The following MAP3K5 variants were observed in gnomAD, a reference collection of about 807,000 sequenced individuals.
The protein encoded by MAP3K5 is ASK-1.
Under a neutral mutation model 158.7 loss-of-function variants are expected in MAP3K5, and 56 were observed. The ratio of observed to expected loss-of-function variants is 0.35; its 90% CI spans 0.28 to 0.44. The LOEUF is 0.44. Ranked by LOEUF, MAP3K5 falls within the 20% of genes least tolerant of loss-of-function variation. The pLI is 1.00. For missense variants in MAP3K5, 1,294 were observed against 1,674.8 expected (o/e 0.77, Z 3.97); for synonymous variants, 579 against 601.7 (o/e 0.96, Z 0.55).
chr6:136,749,181 T>C (rs1416163748), intron 1 of MAP3K5, among the ~76,000 whole-genome samples: 3 of 152,080 alleles, frequency 2.0e-5, no homozygotes, highest in East Asian at 3.9e-4. Context: ...GAGACCAGCC[T>C]GGCCAACATG....
intron 1 of MAP3K5, 150 bp from the exon 2 acceptor site, chr6:136,720,739 G>A (rs1781714921): frequency 1.6e-6 from 1 of 636,954 alleles, no homozygotes; most frequent in Admixed American, 3.3e-5. Context: ...TTTTGAATTT[G>A]CAGCTCTACC....
chr6:136,607,900 A>G (rs1347632170), intron 18 of MAP3K5, among the ~76,000 whole-genome samples: 1 of 152,232 alleles, frequency 6.6e-6, no homozygotes, highest in East Asian at 1.9e-4. Flanking sequence ...ACAGCATGTT[A>G]GAAAGTGACA....
In MAP3K5 at chr6:136,716,201, G is replaced by C. The variant is rs540102718; in HGVS notation, c.588+4249C>G. Reference sequence around the variant, plus strand: ...TTTTTTACAGTATACATTTAGGGTTGGAATGACTAAGTCTTGGTGATATGC... The same window carrying C: ...TTTTTTACAGTATACATTTAGGGTTCGAATGACTAAGTCTTGGTGATATGC... On this transcript the variant is annotated intron_variant, in intron 2 of 29. Transcript: ENST00000359015. Among the ~76,000 whole-genome samples the C allele has an allele frequency of 5.3e-5, 8 of 151,926 alleles. No homozygotes were observed. In the East Asian group the frequency reaches 9.7e-4, roughly 18 times the overall value.
At chr6:136,742,642 C>T (rs79708111) in intron 1 of MAP3K5, among the ~76,000 whole-genome samples, 2,492 of 152,048 alleles carry the variant, frequency 0.016, 43 homozygotes, top group South Asian at 0.03. Flanking sequence ...GAATTATAAG[C>T]TGGACTTTAT....
chr6:136,665,278 G>A (rs1490747059), intron 8 of MAP3K5, among the ~76,000 whole-genome samples: 4 of 151,414 alleles, frequency 2.6e-5, no homozygotes, highest in Admixed American at 2.6e-4. Context: ...CTATAATAGT[G>A]TACTTTTGAA....
intron 14 of MAP3K5, among the ~76,000 whole-genome samples, chr6:136,631,781 T>C (rs376623091): frequency 3.8e-4 from 58 of 152,224 alleles, no homozygotes; most frequent in East Asian, 7.7e-4. Context: ...ACCCTTCAGA[T>C]TGAATCTCTT....
At chr6:136,558,456 C>T (rs963548840) in intron 29 of MAP3K5, among the ~76,000 whole-genome samples, 7 of 151,858 alleles carry the variant, frequency 4.6e-5, no homozygotes, top group African/African-American at 1.7e-4. Flanking sequence ...TTTTGGAGGG[C>T]AAGTCAGCAC....
chr6:136,791,990 G>A lies in MAP3K5; in HGVS notation c.168C>T (p.Asn56=), dbSNP rs779642395. 1.9e-6 allele frequency: 3 copies of A among 1,604,194 alleles called. No homozygotes were observed. The South Asian group carries it at 3.3e-5, about 18-fold the overall frequency. ...LPPPPPGSFW[N]VESAAAPGIG... is the part of the protein sequence containing the mutation. ...TGCCAGGGGCAGCGGCGCTCTCCAC[G>A]TTCCAGAAGCTGCCCGGCGGCGGCG... The change falls in exon 1 of 30, where the codon AAC becomes AAT. Residue 56 remains asparagine (N), a synonymous_variant. Transcript: ENST00000359015.
intron 9 of MAP3K5, among the ~76,000 whole-genome samples, chr6:136,657,736 G>A (rs764717842): frequency 3.3e-5 from 5 of 152,160 alleles, no homozygotes; most frequent in African/African-American, 4.8e-5. Context: ...GGTCAAGGTC[G>A]GCTTTGTGAG....
Position 136,632,324 on chromosome 6 carries a change from C to G in MAP3K5, c.2016+5001G>C, listed in dbSNP as rs374512948. On this transcript the variant is annotated intron_variant, in intron 14 of 29. Transcript: ENST00000359015. ...TCACTTGAGGTCAGGAATTCAAAGC[C>G]AGCCTGGCCAACATGGTGAAACTCC... is the stretch of plus-strand genomic sequence containing the variant. 2.4e-4 allele frequency among the ~76,000 whole-genome samples: 37 copies of G among 152,162 alleles called. 1 individual carries two copies. The East Asian group carries it at 4.8e-3, about 20-fold the overall frequency.
intron 14 of MAP3K5, among the ~76,000 whole-genome samples, chr6:136,635,149 A>G (rs906671437): frequency 7.9e-5 from 12 of 151,336 alleles, no homozygotes; most frequent in African/African-American, 2.9e-4. Flanking sequence ...AAAAAAAGCC[A>G]GAAATTTGTA....
At chr6:136,588,420 T>C (rs1191972433) in intron 23 of MAP3K5, among the ~76,000 whole-genome samples, 2 of 152,130 alleles carry the variant, frequency 1.3e-5, no homozygotes, top group African/African-American at 4.8e-5. Flanking sequence ...GTCATGAAAA[T>C]TAAATGAGCA....
intron 14 of MAP3K5, among the ~76,000 whole-genome samples, chr6:136,625,175 T>C (rs1162437284): frequency 6.6e-6 from 1 of 152,172 alleles, no homozygotes; most frequent in African/African-American, 2.4e-5. Context: ...ATAGTGAATG[T>C]TTTAGCTTTG....
intron 3 of MAP3K5, among the ~76,000 whole-genome samples, chr6:136,703,166 G>A (rs920764731): frequency 7.2e-5 from 11 of 152,120 alleles, no homozygotes; most frequent in South Asian, 4.2e-4. Context: ...AGAGATGCTC[G>A]AAATATTCAA....
chr6:136,710,155 T>C (rs1781248541), intron 2 of MAP3K5, among the ~76,000 whole-genome samples: 2 of 152,148 alleles, frequency 1.3e-5, no homozygotes, highest in African/African-American at 2.4e-5. Context: ...CCTTGAAAGG[T>C]ATCTAGAGCA....
intron 4 of MAP3K5, 80 bp from the exon 5 acceptor site, chr6:136,697,467 G>A: frequency 2.6e-6 from 3 of 1,152,662 alleles, no homozygotes; most frequent in East Asian, 2.4e-5. Context: ...ATAAAGACAT[G>A]AATGATATTG....
intron 21 of MAP3K5, among the ~76,000 whole-genome samples, chr6:136,597,125 G>C (rs1470127745): frequency 6.6e-6 from 1 of 152,212 alleles, no homozygotes; most frequent in East Asian, 1.9e-4. Context: ...CATGTCAAAG[G>C]TGTGTCTCTA....
intron 23 of MAP3K5, among the ~76,000 whole-genome samples, chr6:136,587,647 T>C (rs1775197118): frequency 6.6e-6 from 1 of 152,196 alleles, no homozygotes; most frequent in Non-Finnish European, 1.5e-5. Context: ...AATCACCATT[T>C]GATGTCACAG....
intron 1 of MAP3K5, among the ~76,000 whole-genome samples, chr6:136,745,414 G>GT (rs1413586658): frequency 6.6e-6 from 1 of 152,106 alleles, no homozygotes; most frequent in East Asian, 1.9e-4. Flanking sequence ...TAGAAAAAAG[G>GT]TTTTGTCAGG....
Sources: gnomAD v4.1 joint callset for allele counts (sites outside exome capture counted in the v4.1 genomes callset) on GRCh38, gnomAD v4.1.1 for gene constraint, MANE v1.5 for transcripts, NCBI Gene and HGNC (gene_info 2026-07-23, HGNC 2026-07-21) for gene names.